SLA2: variants seen among roughly 807,000 people sequenced by gnomAD.
SLA2 encodes the protein Src like adaptor 2.
A neutral mutation model predicts 27.3 loss-of-function variants in SLA2; 22 were observed. The ratio of observed to expected loss-of-function variants is 0.81; its 90% confidence interval spans 0.58 to 1.15. The LOEUF (loss-of-function observed/expected upper bound fraction) is 1.15, where lower values mean the gene tolerates loss of function less well. Ranked by LOEUF, SLA2 falls within the 50% of genes most tolerant of loss-of-function variation. The pLI is 0.00. For synonymous variants in SLA2, 131 were observed against 137.8 expected, an observed-to-expected ratio of 0.95 and a Z score of 0.34; for missense variants, 304 against 322.2, an observed-to-expected ratio of 0.94 and a Z score of 0.43.
At chr20:36,641,487 A>C (rs1600834777) in intron 1 of SLA2, 109 bp from the exon 2 acceptor site, 4 of 580,790 alleles carry the variant, frequency 6.9e-6, no homozygotes, top group South Asian at 2.0e-5. Flanking sequence ...CATGTGAATG[A>C]CCTCCCTCCT....
intron 5 of SLA2, among the ~76,000 whole-genome samples, chr20:36,629,514 C>T (rs1600825796): frequency 6.6e-6 from 1 of 151,846 alleles, no homozygotes; most frequent in Non-Finnish European, 1.5e-5. Context: ...TGCCTTACTC[C>T]TGTAATCCCA....
intron 1 of SLA2, among the ~76,000 whole-genome samples, chr20:36,645,341 T>C (rs1978287128): frequency 6.6e-6 from 1 of 151,786 alleles, no homozygotes; most frequent in Non-Finnish European, 1.5e-5. Context: ...CACTCCAGCC[T>C]GGGTAACAGA....
chr20:36,616,959 A>C (rs2039219482), intron 5 of SLA2, among the ~76,000 whole-genome samples: 1 of 152,164 alleles, frequency 6.6e-6, no homozygotes, highest in African/African-American at 2.4e-5. Flanking sequence ...CTAAGGCAGG[A>C]GAATCACTTG....
intron 2 of SLA2, among the ~76,000 whole-genome samples, chr20:36,634,825 A>G (rs1362733853): frequency 1.3e-5 from 2 of 151,978 alleles, no homozygotes; most frequent in Non-Finnish European, 2.9e-5. Flanking sequence ...GAAAAAAAAA[A>G]TAGTGATAGG....
At chr20:36,635,261 C>A (rs2039433216) in intron 2 of SLA2, among the ~76,000 whole-genome samples, 1 of 151,814 alleles carries the variant, frequency 6.6e-6, no homozygotes, top group Admixed American at 6.6e-5. Context: ...ACCCTAGCAT[C>A]CCTCCCTTCT....
chr20:36,645,036 T>G (rs984043401), intron 1 of SLA2, among the ~76,000 whole-genome samples: 3 of 151,822 alleles, frequency 2.0e-5, no homozygotes, highest in Non-Finnish European at 4.4e-5. Flanking sequence ...TTTTCAGCAG[T>G]GGGGGTAAGA....
intron 2 of SLA2, among the ~76,000 whole-genome samples, chr20:36,639,138 G>A (rs1337731986): frequency 9.2e-5 from 14 of 152,312 alleles, no homozygotes; most frequent in South Asian, 6.2e-4. Flanking sequence ...GAGCCACTGC[G>A]GTCAGCTGAG....
chr20:36,629,589 C>T (rs1555792681), intron 5 of SLA2, among the ~76,000 whole-genome samples: 2 of 151,876 alleles, frequency 1.3e-5, no homozygotes, highest in Non-Finnish European at 2.9e-5. Flanking sequence ...GCCTGGCCAA[C>T]ATGATGAAAC....
At chr20:36,614,945 A>G (rs895616706) in intron 6 of SLA2, 3 of 985,030 alleles carry the variant, frequency 3.0e-6, no homozygotes, top group Admixed American at 6.2e-5. Context: ...TGTGGAGAGA[A>G]CTCTGCCTGC....
chr20:36,627,498 G>A (rs996586516), intron 5 of SLA2, among the ~76,000 whole-genome samples: 3 of 152,170 alleles, frequency 2.0e-5, no homozygotes, highest in Admixed American at 6.5e-5. Context: ...GGCCTGACTC[G>A]GAGGAGATGC....
intron 5 of SLA2, among the ~76,000 whole-genome samples, chr20:36,626,700 C>T (rs1415512291): frequency 1.3e-5 from 2 of 149,198 alleles, no homozygotes; most frequent in African/African-American, 2.5e-5. Context: ...AAAAATTAGC[C>T]GGGTGTGGTG....
In SLA2 at chr20:36,612,649, CT is replaced by C. The variant is rs2039152939; in HGVS notation, c.*1216del. On this transcript the variant is annotated 3_prime_UTR_variant, in exon 8 of 8. Transcript: ENST00000262866. ...GGAGGGGGTGCCTCCCACCCCATCC[CT>C]CTTTCTTCCTCTCCCTGATCCCTTA... is the stretch of plus-strand genomic sequence containing the variant. 8.3e-6 allele frequency: 2 copies of C among 241,814 alleles called. No individual in the cohort carries two copies. Among genetic ancestry groups the C allele is most frequent in the South Asian group, 9.9e-5 (2 of 20,210 alleles). 15.0% of individuals were successfully genotyped at this position (241,814 alleles called of 1,614,324 possible). A position where few individuals can be genotyped will look rare whatever the true frequency, so the allele number is the denominator to read the frequency against.
intron 5 of SLA2, among the ~76,000 whole-genome samples, chr20:36,628,612 C>T (rs1164270588): frequency 6.6e-6 from 1 of 152,112 alleles, no homozygotes; most frequent in Non-Finnish European, 1.5e-5. Flanking sequence ...GTGGTGTGAT[C>T]ATAGCTCACT....
intron 7 of SLA2, 107 bp from the exon 8 acceptor site, chr20:36,614,093 C>G (rs1043645553): frequency 6.6e-7 from 1 of 1,514,180 alleles, no homozygotes. Flanking sequence ...TGCTGAGGAC[C>G]TCATGGGGCT....
chr20:36,614,082 C>A, intron 7 of SLA2, 96 bp from the exon 8 acceptor site: 1 of 1,543,984 alleles, frequency 6.5e-7, no homozygotes, highest in Non-Finnish European at 8.8e-7. Flanking sequence ...CCCTTCACTC[C>A]TGCTGAGGAC....
Position 36,612,407 on chromosome 20 carries a change from G to A in SLA2, c.*1459C>T. The A allele has an allele frequency of 3.1e-6, 2 of 643,300 alleles. No homozygotes were observed. Among genetic ancestry groups the A allele is most frequent in the Non-Finnish European group, 5.4e-6 (2 of 371,654 alleles). The allele number at this position is 643,300 out of a possible 1,614,324, so 39.8% of individuals were successfully genotyped here. A position where few individuals can be genotyped will look rare whatever the true frequency, so the allele number is the denominator to read the frequency against. ...CTTCCTCGATTCTCCATCGGGTGTA[G>A]AGTTTTTAAACTATCAATGGCATTT... is the stretch of plus-strand genomic sequence containing the variant. On this transcript the variant is annotated 3_prime_UTR_variant, in exon 8 of 8. Coordinates refer to ENST00000262866, the MANE Select transcript of SLA2 (RefSeq NM_032214.4).
chr20:36,645,707 C>T (rs908918394), intron 1 of SLA2, 130 bp downstream of exon 1: 2 of 152,300 alleles, frequency 1.3e-5, no homozygotes, highest in African/African-American at 4.8e-5. Flanking sequence ...CTCAGTAGAA[C>T]CACTCCCCCT....
chr20:36,632,245 C>T (rs1429950840), intron 5 of SLA2, among the ~76,000 whole-genome samples: 1 of 152,116 alleles, frequency 6.6e-6, no homozygotes, highest in Admixed American at 6.6e-5. Context: ...CCCACTGGCC[C>T]ACCCCAGCAC....
At chr20:36,622,493 T>G (rs2039295152) in intron 5 of SLA2, among the ~76,000 whole-genome samples, 1 of 151,832 alleles carries the variant, frequency 6.6e-6, no homozygotes, top group Non-Finnish European at 1.5e-5. Flanking sequence ...AGTTTCCTAT[T>G]GCTGGTGTAA....
Sources: gnomAD v4.1 joint callset for allele counts (sites outside exome capture counted in the v4.1 genomes callset) on GRCh38, gnomAD v4.1.1 for gene constraint, MANE v1.5 for transcripts, NCBI Gene and HGNC (gene_info 2026-07-23, HGNC 2026-07-21) for gene names.